TNRC6A: variants seen among roughly 807,000 people sequenced by gnomAD.
TNRC6A encodes trinucleotide repeat containing adaptor 6A.
In TNRC6A, 44 loss-of-function variants were observed where a neutral mutation model predicts 221.2. That is an observed-to-expected ratio of 0.20 (90% CI 0.16 to 0.26). The LOEUF is 0.26. TNRC6A is among the 10% of genes least tolerant of loss of function. The pLI is 1.00. For missense variants in TNRC6A, 2,199 were observed against 2,404.4 expected, an observed-to-expected ratio of 0.91 and a Z score of 1.79; for synonymous variants, 847 against 838.5, an observed-to-expected ratio of 1.01 and a Z score of -0.18.
chr16:24,778,150 G>A (rs1399784082), intron 5 of TNRC6A, among the ~76,000 whole-genome samples: 1 of 152,220 alleles, frequency 6.6e-6, no homozygotes, highest in Non-Finnish European at 1.5e-5. Flanking sequence ...TCTAGAATCA[G>A]ATAGACTAGG....
chr16:24,718,581 T>C (rs1274484165), intron 2 of TNRC6A, among the ~76,000 whole-genome samples: 3 of 152,184 alleles, frequency 2.0e-5, no homozygotes, highest in Admixed American at 1.3e-4. Flanking sequence ...ATATGCCAGG[T>C]TAGGTAGCAA....
chr16:24,644,863 C>T (rs1902191302), intron 2 of TNRC6A, among the ~76,000 whole-genome samples: 1 of 152,216 alleles, frequency 6.6e-6, no homozygotes, highest in Non-Finnish European at 1.5e-5. Flanking sequence ...TTTAACATTA[C>T]AATTTATTGA....
intron 4 of TNRC6A, among the ~76,000 whole-genome samples, chr16:24,767,334 C>T (rs1596653796): frequency 6.6e-6 from 1 of 152,196 alleles, no homozygotes; most frequent in Non-Finnish European, 1.5e-5. Context: ...GAATGCTTCT[C>T]TGTATTAGAT....
chr16:24,772,009 G>A (rs1000176566), intron 4 of TNRC6A, among the ~76,000 whole-genome samples: 6 of 152,186 alleles, frequency 3.9e-5, no homozygotes, highest in African/African-American at 1.2e-4. Flanking sequence ...GCAGAGTTGA[G>A]TAGTTGTCAC....
rs199826316 is a variant in TNRC6A, at chr16:24,699,578, G to A, written n.403-51148G>A. On this transcript the variant is annotated intron_variant and non_coding_transcript_variant, in intron 2 of 2. Transcript: ENST00000566108. ...ACAAAAAATTTTTAAAATGAGCTGGGCATGGTGGCGTGCACCTGTCATCTC... is the reference window on the plus strand; with the variant it reads ...ACAAAAAATTTTTAAAATGAGCTGGACATGGTGGCGTGCACCTGTCATCTC... Among the ~76,000 whole-genome samples the A allele has an allele frequency of 1.4e-4, 22 of 152,190 alleles. No individual in the cohort carries two copies. In the East Asian group the frequency reaches 2.7e-3, roughly 19 times the overall value.
chr16:24,621,296 G>T (rs1031700982), intron 1 of TNRC6A, among the ~76,000 whole-genome samples: 1 of 150,440 alleles, frequency 6.6e-6, no homozygotes, highest in Admixed American at 6.6e-5. Context: ...GTTCAAATTG[G>T]TCACATTCTT....
At chr16:24,734,041 G>C (rs1315293472) in intron 2 of TNRC6A, among the ~76,000 whole-genome samples, 1 of 152,152 alleles carries the variant, frequency 6.6e-6, no homozygotes, top group African/African-American at 2.4e-5. Flanking sequence ...TGGGTGTGGT[G>C]GTGTGCACCT....
chr16:24,774,989 T>G (rs942115264), intron 4 of TNRC6A, among the ~76,000 whole-genome samples: 10 of 152,204 alleles, frequency 6.6e-5, no homozygotes, highest in African/African-American at 2.4e-4. Flanking sequence ...TTGCTTAGTA[T>G]TTTTGATCCA....
chr16:24,733,429 T>C (rs2056690301), intron 2 of TNRC6A, among the ~76,000 whole-genome samples: 2 of 152,218 alleles, frequency 1.3e-5, no homozygotes, highest in Non-Finnish European at 2.9e-5. Flanking sequence ...TAAACTGTCT[T>C]TTAAAATTCA....
chr16:24,750,605 A>C, intron 2 of TNRC6A, 121 bp from the exon 3 acceptor site: 5 of 1,213,460 alleles, frequency 4.1e-6, no homozygotes, highest in Non-Finnish European at 5.5e-6. Flanking sequence ...TCAATGAATG[A>C]TAAAATAATA....
At position 24,816,858 on chromosome 16, in the gene TNRC6A, A is replaced by G. The variant is rs750126941; in HGVS notation, c.4874A>G (p.Asp1625Gly). 6.2e-7 allele frequency: 1 copy of G among 1,613,874 alleles called. No homozygotes were observed. The highest frequency in any genetic ancestry group is 1.3e-5 in the African/African-American group (1 of 75,062). Reference protein sequence around the residue: ...GEPWKGYPNIDPETDPYVTPG... With the variant: ...GEPWKGYPNIGPETDPYVTPG... The stretch of plus-strand genomic sequence containing the variant: ...CCATGGAAAGGTTATCCAAACATTG[A>G]CCCTGAAACTGACCCTTACGTCACT... Residue 1625 changes from aspartate to glycine, a missense_variant, in exon 20 of 25, where the codon GAC becomes GGC. Physicochemically the swap from Asp to Gly is moderately conservative, Grantham distance 94. This residue lies in a region of TNRC6A where 449 missense variants were observed against 579.7 expected (regional missense o/e 0.77). Transcript: ENST00000395799.
rs551183501 is a variant in TNRC6A at position 24,656,141 on chromosome 16, C to CAA, written n.402+15146_402+15147dup. On this transcript the variant is annotated intron_variant and non_coding_transcript_variant, in intron 2 of 2. Coordinates refer to the TNRC6A transcript ENST00000566108. ...AGGGTGACAGAACAAGACCTTGTCT[C>CAA]AAAAAAAAAAAAAAAGAAAAGAAAA... 9.8e-3 allele frequency among the ~76,000 whole-genome samples: 1,099 copies of CAA among 112,626 alleles called. 12 individuals carry two copies. The highest frequency in any genetic ancestry group is 0.032 in the African/African-American group (954 of 29,720). 73.9% of individuals were successfully genotyped at this position (112,626 alleles called of 152,430 possible).
At chr16:24,689,579 G>A (rs1184883241) in intron 2 of TNRC6A, among the ~76,000 whole-genome samples, 1 of 152,048 alleles carries the variant, frequency 6.6e-6, no homozygotes, top group African/African-American at 2.4e-5. Flanking sequence ...TATCCATTCA[G>A]TACATTTTTC....
At chr16:24,638,796 T>C (rs886335522) in intron 1 of TNRC6A, among the ~76,000 whole-genome samples, 1 of 152,174 alleles carries the variant, frequency 6.6e-6, no homozygotes, top group Non-Finnish European at 1.5e-5. Context: ...TCCCTTAAAC[T>C]GACTGCCTTG....
At chr16:24,745,580 C>G (rs760950089) in intron 2 of TNRC6A, among the ~76,000 whole-genome samples, 1 of 152,120 alleles carries the variant, frequency 6.6e-6, no homozygotes, top group Non-Finnish European at 1.5e-5. Context: ...GACTGATAGG[C>G]TAGTTGGGCC....
At chr16:24,786,544 G>A (rs2057973535) in intron 5 of TNRC6A, among the ~76,000 whole-genome samples, 1 of 152,084 alleles carries the variant, frequency 6.6e-6, no homozygotes, top group Non-Finnish European at 1.5e-5. Context: ...TCGATCTGCT[G>A]ACTTCGTGAT....
rs1299518912 is a variant in TNRC6A at position 24,789,437 on chromosome 16, G to A, written c.795G>A (p.Glu265=). The change falls in exon 6 of 25, where the codon GAG becomes GAA. Residue 265 remains glutamate (E), a synonymous_variant. Coordinates refer to ENST00000395799, the MANE Select transcript of TNRC6A (RefSeq NM_014494.4). ...ATTCTGCCTCCAGTTCTGAATCAGA[G>A]AGAAACATCACTATCATGGCTTCAG... ...DADSASSSES[E]RNITIMASGN... The A allele has an allele frequency of 6.2e-7, 1 of 1,614,226 alleles. No individual in the cohort carries two copies. The highest frequency in any genetic ancestry group is 8.5e-7 in the Non-Finnish European group (1 of 1,180,046).
chr16:24,643,078 A>ATT (rs1555483529), intron 2 of TNRC6A, among the ~76,000 whole-genome samples: 10 of 133,240 alleles, frequency 7.5e-5, no homozygotes, highest in Non-Finnish European at 1.4e-4. Flanking sequence ...TTATATATAT[A>ATT]TTATATATAT....
At chr16:24,681,227 G>GT (rs1383744890) in intron 2 of TNRC6A, among the ~76,000 whole-genome samples, 1 of 151,916 alleles carries the variant, frequency 6.6e-6, no homozygotes, top group Non-Finnish European at 1.5e-5. Flanking sequence ...TTAACTTGGT[G>GT]TTTTTTGTTT....
Sources: gnomAD v4.1 joint callset for allele counts (sites outside exome capture counted in the v4.1 genomes callset) on GRCh38, gnomAD v4.1.1 for gene constraint, gnomAD v4.1.1 regional missense constraint, MANE v1.5 for transcripts, NCBI Gene and HGNC (gene_info 2026-07-23, HGNC 2026-07-21) for gene names.